Variants in SCAPER observed in about 807,000 individuals in gnomAD.
SCAPER encodes S phase cyclin A-associated protein in the endoplasmic reticulum.
SCAPER carries 98 observed loss-of-function variants against 182.2 expected under a neutral mutation model. That is an observed-to-expected ratio of 0.54 (90% CI 0.46 to 0.64). The LOEUF (loss-of-function observed/expected upper bound fraction) is 0.64, where lower values mean the gene tolerates loss of function less well. Among genes scored for constraint, SCAPER ranks in the 30% least tolerant of loss-of-function variants. The pLI, the probability that SCAPER is intolerant of heterozygous loss-of-function variation, is 0.00. For missense variants in SCAPER, 1,432 were observed against 1,690.0 expected (o/e 0.85, Z 2.68); for synonymous variants, 605 against 564.6 (o/e 1.07, Z -1.01).
At chr15:76,428,942 A>G (rs2142461700) in intron 26 of SCAPER, among the ~76,000 whole-genome samples, 1 of 141,608 alleles carries the variant, frequency 7.1e-6, no homozygotes, top group African/African-American at 2.6e-5. Context: ...GATATGGTGT[A>G]GCAGCGTCCC....
chr15:76,701,278 T>A lies in SCAPER; in HGVS notation c.2508+480A>T, dbSNP rs186809881. On this transcript the variant is annotated intron_variant, in intron 20 of 31. Coordinates refer to ENST00000563290, the MANE Select transcript of SCAPER (RefSeq NM_020843.4). ...ATAAATTCATAGATTAGCTATATCATCCAAGTTTCAAAAAGAGTTAAATGA... is the reference window on the plus strand; with the variant it reads ...ATAAATTCATAGATTAGCTATATCAACCAAGTTTCAAAAAGAGTTAAATGA... 3.6e-3 allele frequency among the ~76,000 whole-genome samples: 551 copies of A among 152,204 alleles called. 5 individuals are homozygous for A. The highest frequency in any genetic ancestry group is 0.013 in the African/African-American group (532 of 41,526).
At chr15:76,696,218 C>T (rs763719001) in intron 20 of SCAPER, among the ~76,000 whole-genome samples, 4 of 152,284 alleles carry the variant, frequency 2.6e-5, no homozygotes, top group Non-Finnish European at 5.9e-5. Flanking sequence ...CAATGCCAGG[C>T]GCACCCTGGC....
chr15:76,673,061 A>G (rs4886823), intron 20 of SCAPER, among the ~76,000 whole-genome samples: 44,425 of 152,038 alleles, frequency 0.29, 6,757 homozygotes, highest in East Asian at 0.48. Context: ...AAAATAATGT[A>G]TTTAGCATTT....
At chr15:76,427,648 C>T (rs975937596) in intron 26 of SCAPER, among the ~76,000 whole-genome samples, 1 of 151,998 alleles carries the variant, frequency 6.6e-6, no homozygotes, top group East Asian at 1.9e-4. Flanking sequence ...GAATTCAAGA[C>T]CAGCCTGAAA....
At chr15:76,769,418 G>C (rs1053864504) in intron 10 of SCAPER, among the ~76,000 whole-genome samples, 5 of 141,418 alleles carry the variant, frequency 3.5e-5, no homozygotes, top group African/African-American at 1.3e-4. Flanking sequence ...ACTCTGGCCT[G>C]GGGGACACAG....
intron 22 of SCAPER, among the ~76,000 whole-genome samples, chr15:76,615,427 A>G (rs1048478205): frequency 6.6e-6 from 1 of 151,034 alleles, no homozygotes; most frequent in African/African-American, 2.4e-5. Flanking sequence ...GCTTGGCAAC[A>G]GAGCAAGAGT....
intron 27 of SCAPER, among the ~76,000 whole-genome samples, chr15:76,395,035 T>C (rs1399719445): frequency 1.4e-5 from 2 of 142,682 alleles, no homozygotes; most frequent in Admixed American, 6.9e-5. Context: ...CCCATCCTTC[T>C]ACTCTCCATC....
At chr15:76,786,056 C>A (rs937484573) in intron 8 of SCAPER, among the ~76,000 whole-genome samples, 2 of 151,864 alleles carry the variant, frequency 1.3e-5, no homozygotes, top group African/African-American at 4.8e-5. Context: ...GGGCTGAGTA[C>A]GGTGGCTCAT....
chr15:76,631,170 G>A (rs910842184), intron 21 of SCAPER, among the ~76,000 whole-genome samples: 7 of 151,404 alleles, frequency 4.6e-5, no homozygotes, highest in East Asian at 1.9e-4. Flanking sequence ...TTTTATTTTC[G>A]GTCTATGTGT....
At chr15:76,685,353 C>A (rs1003119391) in intron 20 of SCAPER, among the ~76,000 whole-genome samples, 4 of 151,038 alleles carry the variant, frequency 2.6e-5, no homozygotes, top group Non-Finnish European at 5.9e-5. Flanking sequence ...GAGTTATAAA[C>A]AATGCAAATA....
Position 76,456,811 on chromosome 15 carries a change from A to G in SCAPER, c.3078+14401T>C, listed in dbSNP as rs140256944. ...TAGTATACACATTTATGACTGTTAT[A>G]TCTTCCTGTTGATTTGATATCCTAT... On this transcript the variant is annotated intron_variant, in intron 25 of 31. Transcript: ENST00000563290. Among the ~76,000 whole-genome samples the G allele has an allele frequency of 2.9e-4, 44 of 152,296 alleles. No homozygotes were observed. In the East Asian group the frequency reaches 7.7e-3, roughly 27 times the overall value.
At chr15:76,886,096 A>G (rs1595905651) in intron 1 of SCAPER, among the ~76,000 whole-genome samples, 1 of 152,220 alleles carries the variant, frequency 6.6e-6, no homozygotes, top group East Asian at 1.9e-4. Flanking sequence ...TAAAGGGTAT[A>G]ATAATTCACA....
chr15:76,612,398 G>A (rs1013292380), intron 22 of SCAPER, among the ~76,000 whole-genome samples: 4 of 152,008 alleles, frequency 2.6e-5, no homozygotes, highest in East Asian at 1.9e-4. Flanking sequence ...CACCATGTCT[G>A]GCTAATTTTT....
chr15:76,858,142 A>G (rs917883873), intron 3 of SCAPER, among the ~76,000 whole-genome samples: 1 of 152,228 alleles, frequency 6.6e-6, no homozygotes, highest in African/African-American at 2.4e-5. Flanking sequence ...ATAGGAATAA[A>G]TCAACATCTT....
At chr15:76,832,729 T>C (rs1460319138) in intron 5 of SCAPER, among the ~76,000 whole-genome samples, 1 of 152,058 alleles carries the variant, frequency 6.6e-6, no homozygotes, top group Non-Finnish European at 1.5e-5. Context: ...CGAGATCTGG[T>C]TGCTTAAAGT....
At chr15:76,762,685 A>G (rs1314180702) in intron 14 of SCAPER, among the ~76,000 whole-genome samples, 1 of 151,990 alleles carries the variant, frequency 6.6e-6, no homozygotes, top group African/African-American at 2.4e-5. Context: ...ATGCGGCTCT[A>G]TTTCCCAGGC....
chr15:76,721,814 A>G (rs1462754610), intron 17 of SCAPER, among the ~76,000 whole-genome samples: 1 of 152,148 alleles, frequency 6.6e-6, no homozygotes, highest in African/African-American at 2.4e-5. Flanking sequence ...TATCAGCTTA[A>G]GGAGATTTTG....
intron 2 of SCAPER, among the ~76,000 whole-genome samples, chr15:76,879,401 A>C (rs1384924558): frequency 6.6e-6 from 1 of 152,044 alleles, no homozygotes; most frequent in East Asian, 1.9e-4. Context: ...GCCTAGCCAC[A>C]ACAACTGATC....
chr15:76,671,866 A>T (rs1444317793), intron 20 of SCAPER, among the ~76,000 whole-genome samples: 1 of 152,140 alleles, frequency 6.6e-6, no homozygotes, highest in Non-Finnish European at 1.5e-5. Context: ...AGGATGAATA[A>T]TGAGTATCAG....
Sources: allele counts gnomAD v4.1 joint callset (sites outside exome capture counted in the v4.1 genomes callset), GRCh38; gene constraint gnomAD v4.1.1; transcripts MANE v1.5; gene names NCBI Gene and HGNC (gene_info 2026-07-23, HGNC 2026-07-21).